CTNNA3: variants seen among roughly 807,000 people sequenced by gnomAD.
The protein encoded by CTNNA3 is catenin alpha 3, also known as catenin alpha-3.
In CTNNA3, 76 loss-of-function variants were observed where a neutral mutation model predicts 95.7. That is an observed-to-expected ratio of 0.79 (90% CI 0.66 to 0.96). The LOEUF is 0.96. Ranked by LOEUF, CTNNA3 falls within the 40% of genes least tolerant of loss-of-function variation. CTNNA3 has a pLI of 0.00. For synonymous variants in CTNNA3, 431 were observed against 374.4 expected (o/e 1.15, Z -1.74); for missense variants, 1,191 against 1,089.8 (o/e 1.09, Z -1.31).
Position 66,963,938 on chromosome 10 carries a change from G to A in CTNNA3, c.1048-188414C>T, listed in dbSNP as rs545294609. On this transcript the variant is annotated intron_variant, in intron 7 of 17. Transcript: ENST00000433211. ...GTTCACTGAAACCTCCAACTCCCTG[G>A]TTCAAGCAAGCAATTCTCCTGTCTC... is the stretch of plus-strand genomic sequence containing the variant. Among the ~76,000 whole-genome samples the A allele has an allele frequency of 5.1e-4, 78 of 151,770 alleles. 1 individual carries two copies. The highest frequency in any genetic ancestry group is 1.8e-3 in the African/African-American group (73 of 41,356).
chr10:66,037,115 G>C (rs1015378811), intron 15 of CTNNA3, among the ~76,000 whole-genome samples: 2 of 151,764 alleles, frequency 1.3e-5, no homozygotes, highest in Admixed American at 1.3e-4. Context: ...CTCGTGATCC[G>C]CCCATCTCGG....
chr10:67,019,139 G>C (rs778943727), intron 7 of CTNNA3, among the ~76,000 whole-genome samples: 3 of 152,168 alleles, frequency 2.0e-5, no homozygotes, highest in Non-Finnish European at 4.4e-5. Context: ...TTTTACAACA[G>C]GATATCAATA....
intron 11 of CTNNA3, among the ~76,000 whole-genome samples, chr10:66,448,216 T>G (rs1007550245): frequency 2.0e-5 from 3 of 152,128 alleles, no homozygotes; most frequent in Non-Finnish European, 4.4e-5. Flanking sequence ...GGAACACTTT[T>G]ACACTGTTGG....
intron 10 of CTNNA3, among the ~76,000 whole-genome samples, chr10:66,580,537 G>C (rs1458968705): frequency 6.6e-6 from 1 of 151,704 alleles, no homozygotes; most frequent in Non-Finnish European, 1.5e-5. Context: ...ATCTTTGTAA[G>C]ATAATTCTAA....
At chr10:66,827,920 T>A (rs757550211) in intron 7 of CTNNA3, among the ~76,000 whole-genome samples, 1 of 152,146 alleles carries the variant, frequency 6.6e-6, no homozygotes, top group Non-Finnish European at 1.5e-5. Context: ...GAAACCGAGA[T>A]GATATAAAAC....
At chr10:67,755,952 G>A (rs1028172550) in intron 1 of CTNNA3, among the ~76,000 whole-genome samples, 11 of 151,952 alleles carry the variant, frequency 7.2e-5, no homozygotes, top group Non-Finnish European at 1.6e-4. Flanking sequence ...AATGGATAAA[G>A]AAAAAGTGGT....
chr10:66,167,352 T>C (rs1312409973), intron 13 of CTNNA3, among the ~76,000 whole-genome samples: 2 of 152,150 alleles, frequency 1.3e-5, no homozygotes, highest in Admixed American at 6.6e-5. Flanking sequence ...AAAAACTAAA[T>C]AGTTTACAAA....
At chr10:67,135,454 T>C (rs982414356) in intron 7 of CTNNA3, among the ~76,000 whole-genome samples, 1 of 152,054 alleles carries the variant, frequency 6.6e-6, no homozygotes, top group African/African-American at 2.4e-5. Flanking sequence ...GTTGAAAGGA[T>C]TGTTTCAAGG....
chr10:65,924,905 T>G (rs978675786), intron 17 of CTNNA3, among the ~76,000 whole-genome samples: 11 of 152,204 alleles, frequency 7.2e-5, no homozygotes, highest in African/African-American at 2.7e-4. Flanking sequence ...GGAACTGCCC[T>G]GTTATAAAAC....
intron 11 of CTNNA3, among the ~76,000 whole-genome samples, chr10:66,496,272 T>A (rs1564490960): frequency 6.6e-6 from 1 of 152,216 alleles, no homozygotes; most frequent in East Asian, 1.9e-4. Context: ...TTCCGTAGTA[T>A]AATCTGATTA....
At chr10:66,163,489 G>T (rs933871331) in intron 13 of CTNNA3, among the ~76,000 whole-genome samples, 2 of 152,100 alleles carry the variant, frequency 1.3e-5, no homozygotes, top group Non-Finnish European at 1.5e-5. Flanking sequence ...GTTCTCCAGT[G>T]GGGGTGCGTG....
chr10:65,997,807 G>A (rs1332911434), intron 15 of CTNNA3, among the ~76,000 whole-genome samples: 5 of 151,992 alleles, frequency 3.3e-5, no homozygotes, highest in South Asian at 2.1e-4. Context: ...ACCTGAGGTC[G>A]GGAGTTCAAG....
chr10:67,564,233 G>C (rs1335005612), intron 3 of CTNNA3, among the ~76,000 whole-genome samples: 1 of 149,478 alleles, frequency 6.7e-6, no homozygotes. Context: ...GCAAAGACTT[G>C]AAACCAACCC....
chr10:67,359,252 A>G (rs1842918608), intron 5 of CTNNA3, among the ~76,000 whole-genome samples: 1 of 151,772 alleles, frequency 6.6e-6, no homozygotes, highest in Admixed American at 6.6e-5. Flanking sequence ...AAAAAAAAAA[A>G]AAGAAAGAAA....
At chr10:67,010,694 A>G (rs934564437) in intron 7 of CTNNA3, among the ~76,000 whole-genome samples, 2 of 152,216 alleles carry the variant, frequency 1.3e-5, no homozygotes, top group African/African-American at 4.8e-5. Context: ...TTGTATAGCC[A>G]TGCAAGAAAG....
intron 5 of CTNNA3, among the ~76,000 whole-genome samples, chr10:67,450,612 A>G (rs1389121838): frequency 6.6e-6 from 1 of 152,116 alleles, no homozygotes; most frequent in African/African-American, 2.4e-5. Context: ...GGGGAATGAC[A>G]GACACTGGAG....
chr10:66,922,785 G>A (rs1846857569), intron 7 of CTNNA3, among the ~76,000 whole-genome samples: 2 of 152,010 alleles, frequency 1.3e-5, no homozygotes, highest in Non-Finnish European at 2.9e-5. Flanking sequence ...CATCATTCCT[G>A]TCATATAGTT....
At chr10:66,316,351 T>C (rs2092099520) in intron 12 of CTNNA3, among the ~76,000 whole-genome samples, 1 of 152,132 alleles carries the variant, frequency 6.6e-6, no homozygotes, top group South Asian at 2.1e-4. Context: ...TGCATCATTT[T>C]ATGTAGTGAA....
At chr10:67,622,537 A>G (rs1843881605) in intron 2 of CTNNA3, among the ~76,000 whole-genome samples, 1 of 152,230 alleles carries the variant, frequency 6.6e-6, no homozygotes, top group South Asian at 2.1e-4. Flanking sequence ...TGAAGCACAT[A>G]CAATGAATGG....
Sources: allele counts gnomAD v4.1 joint callset (sites outside exome capture counted in the v4.1 genomes callset), GRCh38; gene constraint gnomAD v4.1.1; transcripts MANE v1.5; gene names NCBI Gene and HGNC (gene_info 2026-07-23, HGNC 2026-07-21).